The following FAM222B variants were observed in gnomAD, a reference collection of about 807,000 sequenced individuals.
The protein encoded by FAM222B is family with sequence similarity 222 member B.
A neutral mutation model predicts 38.0 loss-of-function variants in FAM222B; 12 were observed. That is an observed-to-expected ratio of 0.32 (90% CI 0.20 to 0.51). The LOEUF (loss-of-function observed/expected upper bound fraction) is 0.51, where lower values mean the gene tolerates loss of function less well. Among genes scored for constraint, FAM222B ranks in the 20% least tolerant of loss-of-function variants. FAM222B has a pLI of 0.97. For missense variants in FAM222B, 716 were observed against 754.2 expected (o/e 0.95, Z 0.59); for synonymous variants, 329 against 317.2 (o/e 1.04, Z -0.40).
At chr17:28,796,836 A>T (rs547255953) in intron 1 of FAM222B, among the ~76,000 whole-genome samples, 2 of 152,220 alleles carry the variant, frequency 1.3e-5, no homozygotes, top group South Asian at 4.2e-4. Flanking sequence ...GACGGCAGTT[A>T]TAACTATTAT....
chr17:28,849,927 C>CA (rs919809495), intron 1 of FAM222B, among the ~76,000 whole-genome samples: 7 of 152,018 alleles, frequency 4.6e-5, no homozygotes, highest in Middle Eastern at 3.4e-3. Flanking sequence ...ACTAAAAATA[C>CA]AAAAAATTAG....
chr17:28,846,361 G>A (rs560666757), upstream of FAM222B, among the ~76,000 whole-genome samples: 2 of 151,696 alleles, frequency 1.3e-5, no homozygotes, highest in South Asian at 4.2e-4. Context: ...GTGAGACTGT[G>A]TCTCAAAAAA....
intron 1 of FAM222B, among the ~76,000 whole-genome samples, chr17:28,811,355 G>A (rs1182662551): frequency 6.6e-6 from 1 of 152,134 alleles, no homozygotes; most frequent in Non-Finnish European, 1.5e-5. Context: ...CAGGGGAATC[G>A]CTTGAACCCT....
intron 1 of FAM222B, among the ~76,000 whole-genome samples, chr17:28,770,569 A>AT (rs1491434552): frequency 2.9e-5 from 4 of 138,972 alleles, no homozygotes; most frequent in African/African-American, 5.2e-5. Flanking sequence ...TGCCCAGCTA[A>AT]TATTTTTTTT....
At chr17:28,831,727 C>T (rs925489962) in intron 1 of FAM222B, among the ~76,000 whole-genome samples, 6 of 151,570 alleles carry the variant, frequency 4.0e-5, no homozygotes, top group African/African-American at 1.2e-4. Flanking sequence ...AGGCTGGTCT[C>T]GAACCCTGGG....
chr17:28,792,091 C>G (rs1031877966), intron 1 of FAM222B, among the ~76,000 whole-genome samples: 2 of 150,626 alleles, frequency 1.3e-5, no homozygotes, highest in African/African-American at 2.4e-5. Context: ...GCGGGCGGAT[C>G]GCGAGGTCAG....
chr17:28,854,110 A>AT (rs1474997329), intron 1 of FAM222B, among the ~76,000 whole-genome samples: 4 of 151,694 alleles, frequency 2.6e-5, no homozygotes, highest in African/African-American at 7.3e-5. Flanking sequence ...CGCCCGGCTA[A>AT]TTTTTTGTAT....
intron 1 of FAM222B, among the ~76,000 whole-genome samples, chr17:28,820,463 G>A (rs2038169616): frequency 6.6e-6 from 1 of 152,156 alleles, no homozygotes; most frequent in African/African-American, 2.4e-5. Flanking sequence ...CCTATAGCAA[G>A]TTAAAATGTT....
At chr17:28,797,680 C>CT (rs1380430411) in intron 1 of FAM222B, among the ~76,000 whole-genome samples, 1 of 152,054 alleles carries the variant, frequency 6.6e-6, no homozygotes, top group African/African-American at 2.4e-5. Flanking sequence ...TTTCAAAGTG[C>CT]TTTTTCACAT....
At position 28,759,249 on chromosome 17, in the gene FAM222B, T is replaced by G; in HGVS notation, c.710A>C (p.Asp237Ala). 1 of 1,613,514 alleles carries G rather than the reference T, an allele frequency of 6.2e-7. No individual in the cohort carries two copies. The highest frequency in any genetic ancestry group is 8.5e-7 in the Non-Finnish European group (1 of 1,179,768). ...LHGGRKMPDS[D>A]APPNVTVSTS... ...AGACACGGTCACATTCGGGGGGGCA[T>G]CTGAGTCTGGCATCTTCCGGCCTCC... is the stretch of plus-strand genomic sequence containing the variant. The change falls in exon 3 of 3, where the codon GAT becomes GCT. Residue 237 changes from aspartate to alanine, a missense_variant. Coordinates refer to ENST00000581407, the MANE Select transcript of FAM222B (RefSeq NM_001077498.3). This position sits in a 1 kb window ranked among gnomAD's most constrained non-coding sequence, Gnocchi z 4.8.
intron 1 of FAM222B, among the ~76,000 whole-genome samples, chr17:28,848,007 G>A (rs1214962378): frequency 2.6e-5 from 4 of 152,108 alleles, no homozygotes; most frequent in Admixed American, 2.6e-4. Flanking sequence ...GCGCATGTTG[G>A]CTCACATCTG....
At chr17:28,812,191 G>A (rs2037803045) in intron 1 of FAM222B, 1 of 152,220 alleles carries the variant, frequency 6.6e-6, no homozygotes, top group South Asian at 2.1e-4. Context: ...GGTCGCGTTA[G>A]AAAAAGCACA....
At chr17:28,821,956 G>A (rs2038237104) in intron 1 of FAM222B, among the ~76,000 whole-genome samples, 1 of 151,914 alleles carries the variant, frequency 6.6e-6, no homozygotes, top group Non-Finnish European at 1.5e-5. Flanking sequence ...CAGAGCAAGA[G>A]TCCGTCTCAA....
At chr17:28,780,881 T>TC (rs1431522453) in intron 1 of FAM222B, among the ~76,000 whole-genome samples, 1 of 150,120 alleles carries the variant, frequency 6.7e-6, no homozygotes, top group Non-Finnish European at 1.5e-5. Flanking sequence ...AAACTCCGTC[T>TC]CAAAAAAAAA....
intron 1 of FAM222B, among the ~76,000 whole-genome samples, chr17:28,808,565 A>T (rs1248406759): frequency 6.6e-6 from 1 of 152,210 alleles, no homozygotes; most frequent in Non-Finnish European, 1.5e-5. Context: ...TCCTCATCTG[A>T]GTGGTAAACA....
At position 28,759,568 on chromosome 17, in the gene FAM222B, G is replaced by A. The variant is rs1263116476; in HGVS notation, c.391C>T (p.Pro131Ser). The A allele has an allele frequency of 6.2e-7, 1 of 1,610,750 alleles. No individual in the cohort carries two copies. The highest frequency in any genetic ancestry group is 1.7e-5 in the Admixed American group (1 of 59,592). Residue 131 changes from proline (P) to serine (S), a missense_variant, in exon 3 of 3, where the codon CCC becomes TCC. Coordinates refer to ENST00000581407, the MANE Select transcript of FAM222B (RefSeq NM_001077498.3). The surrounding 1 kb of genome is among the most constrained non-coding windows in gnomAD (Gnocchi z 4.8). ...ACAGTAGCATAGGGTGCCACTGGGG[G>A]GTTCATGATGGCCTCAGGGAGCAAC... ...ARLLPEAIMN[P>S]PVAPYATVAP...
chr17:28,829,026 G>A (rs532341202), intron 1 of FAM222B, among the ~76,000 whole-genome samples: 2 of 149,348 alleles, frequency 1.3e-5, no homozygotes, highest in East Asian at 2.0e-4. Context: ...CTGCCTCAGC[G>A]TCCCGAGTAG....
At chr17:28,813,871 G>A (rs1291691860) in intron 1 of FAM222B, among the ~76,000 whole-genome samples, 1 of 151,772 alleles carries the variant, frequency 6.6e-6, no homozygotes, top group African/African-American at 2.4e-5. Flanking sequence ...TAAACACTGT[G>A]GTATATTTTC....
At chr17:28,798,847 G>A (rs1368055313) in intron 1 of FAM222B, among the ~76,000 whole-genome samples, 1 of 151,966 alleles carries the variant, frequency 6.6e-6, no homozygotes, top group African/African-American at 2.4e-5. Context: ...TCGATCTCCT[G>A]ACCTCGTGAT....
Sources: gnomAD v4.1 joint callset for allele counts (sites outside exome capture counted in the v4.1 genomes callset) on GRCh38, gnomAD v4.1.1 for gene constraint, Gnocchi (gnomAD v3.1) non-coding constraint, MANE v1.5 for transcripts, NCBI Gene and HGNC (gene_info 2026-07-23, HGNC 2026-07-21) for gene names.